E2F4: variants seen among roughly 807,000 people sequenced by gnomAD.
E2F4 encodes E2F transcription factor 4, also known as transcription factor E2F4.
Under a neutral mutation model 44.5 loss-of-function variants are expected in E2F4, and 16 were observed. That is an observed-to-expected ratio of 0.36 (90% CI 0.24 to 0.55). E2F4 has a LOEUF of 0.55. Ranked by LOEUF, E2F4 falls within the 20% of genes least tolerant of loss-of-function variation. The pLI is 0.87. For synonymous variants in E2F4, 242 were observed against 207.2 expected, an observed-to-expected ratio of 1.17 and a Z score of -1.44; for missense variants, 473 against 522.1, an observed-to-expected ratio of 0.91 and a Z score of 0.92.
At position 67,198,070 on chromosome 16, in the gene E2F4, G is replaced by A. The variant is rs1437937934; in HGVS notation, c.1189G>A (p.Asp397Asn). The part of the protein sequence containing the change: ...PGDHDYIYNL[D>N]ESEGVCDLFD... ...AGACCACGATTATATCTACAACCTG[G>A]ACGAGAGTGAAGGTGTCTGTGACCT... The change falls in exon 10 of 10, where the codon GAC becomes AAC. Residue 397 changes from aspartate (D) to asparagine (N), a missense_variant. This residue lies in a region of E2F4 where 314 missense variants were observed against 315.6 expected (regional missense o/e 0.99). Transcript: ENST00000379378. 2.5e-6 allele frequency: 4 copies of A among 1,614,052 alleles called. No homozygotes were observed. The highest frequency in any genetic ancestry group is 2.5e-6 in the Non-Finnish European group (3 of 1,179,996).
intron 6 of E2F4, 32 bp downstream of exon 6, chr16:67,195,012 C>T (rs775983343): frequency 1.3e-6 from 2 of 1,597,924 alleles, no homozygotes; most frequent in South Asian, 1.1e-5. Flanking sequence ...TGACAGAGGC[C>T]CAAGAGGTAG....
In E2F4 at chr16:67,193,476, G is replaced by T. The variant is rs1342236053; in HGVS notation, c.412G>T (p.Ala138Ser). The T allele has an allele frequency of 2.5e-6, 4 of 1,614,192 alleles. No individual in the cohort carries two copies. Among genetic ancestry groups the T allele is most frequent in the Non-Finnish European group, 2.5e-6 (3 of 1,180,028 alleles). Residue 138 changes from alanine (A) to serine (S), a missense_variant, in exon 4 of 10, where the codon GCC becomes TCC. Ala to Ser is a moderately conservative substitution (Grantham distance 99). This residue lies in a region of E2F4 where 119 missense variants were observed against 175.6 expected (regional missense o/e 0.68). Transcript: ENST00000379378. ...VTEDVQNSCL[A>S]YVTHEDICRC... ...CATTCTCCTTAACCCTCACACTTTG[G>T]CCTACGTCACTCATGAGGACATCTG...
In E2F4 at chr16:67,192,758, C is replaced by T. The variant is rs1567687420; in HGVS notation, c.136-3C>T. On this transcript the variant is annotated splice_polypyrimidine_tract_variant and splice_region_variant and intron_variant, in intron 1 of 9. Coordinates refer to ENST00000379378, the MANE Select transcript of E2F4 (RefSeq NM_001950.4). ...GCTGAGCATTCTCCATTCTCTCTGC[C>T]AGGCAGCTGACACCCTAGCTGTACG... The T allele has an allele frequency of 1.2e-6, 2 of 1,608,014 alleles. No individual in the cohort carries two copies. Among genetic ancestry groups the T allele is most frequent in the Non-Finnish European group, 1.7e-6 (2 of 1,176,836 alleles).
chr16:67,193,484 C>G lies in E2F4; in HGVS notation c.420C>G (p.Val140=). ...EDVQNSCLAY[V]THEDICRCFA... ...TTAACCCTCACACTTTGGCCTACGT[C>G]ACTCATGAGGACATCTGCAGATGCT... is the stretch of plus-strand genomic sequence containing the variant. The change falls in exon 4 of 10, where the codon GTC becomes GTG. Residue 140 remains valine (V), a synonymous_variant. Transcript: ENST00000379378. 1.2e-6 allele frequency: 2 copies of G among 1,614,218 alleles called. No homozygotes were observed. The highest frequency in any genetic ancestry group is 1.7e-6 in the Non-Finnish European group (2 of 1,180,026).
rs896854367 is a variant in E2F4, at chr16:67,192,434, G to A, written c.135+72G>A. 5.7e-6 allele frequency: 8 copies of A among 1,394,594 alleles called. No homozygotes were observed. The African/African-American group carries it at 7.3e-5, about 13-fold the overall frequency. 86.4% of individuals were successfully genotyped at this position (1,394,594 alleles called of 1,614,324 possible). A position where few individuals can be genotyped will look rare whatever the true frequency, so the allele number is the denominator to read the frequency against. On this transcript the variant is annotated intron_variant, in intron 1 of 9. Transcript: ENST00000379378. Reference sequence around the variant, plus strand: ...CTGGGCCGGTAGCGGGAACCCCGGGGGCGGCCCAGCTGGGTCCTCCGAGAG... The same window carrying A: ...CTGGGCCGGTAGCGGGAACCCCGGGAGCGGCCCAGCTGGGTCCTCCGAGAG...
Position 67,198,162 on chromosome 16 carries a change from G to C in E2F4, c.*39G>C, listed in dbSNP as rs779695042. ...GCCCTGTGTGGCTGGGACCCAGACT[G>C]TCTGACCTGGGGGTTGCCTGGGGAC... On this transcript the variant is annotated 3_prime_UTR_variant, in exon 10 of 10. Transcript: ENST00000379378. 6.3e-7 allele frequency: 1 copy of C among 1,590,650 alleles called. No individual in the cohort carries two copies. Among genetic ancestry groups the C allele is most frequent in the Non-Finnish European group, 8.6e-7 (1 of 1,161,360 alleles).
At position 67,197,590 on chromosome 16, in the gene E2F4, G is replaced by A. The variant is rs372772302; in HGVS notation, c.1034-9G>A. 1.2e-6 allele frequency: 2 copies of A among 1,614,080 alleles called. No homozygotes were observed. The highest frequency in any genetic ancestry group is 2.2e-5 in the East Asian group (1 of 44,876). On this transcript the variant is annotated splice_polypyrimidine_tract_variant and intron_variant, in intron 7 of 9. Transcript: ENST00000379378. ...TCTGTGCCCTGAGCATGGCTTTCTT[G>A]TTTTTCAGTTTTGGAACTCCCCAAA...
chr16:67,198,553 C>G lies in E2F4; in HGVS notation c.*430C>G, dbSNP rs1246767408. On this transcript the variant is annotated 3_prime_UTR_variant, in exon 10 of 10. Transcript: ENST00000379378. Reference sequence around the variant, plus strand: ...CACATGCCAGCACCACTTCTAGCTTCCTTCGCTATCCCCCACCCCCTGACC... The same window carrying G: ...CACATGCCAGCACCACTTCTAGCTTGCTTCGCTATCCCCCACCCCCTGACC... The G allele has an allele frequency of 1.5e-5, 3 of 194,726 alleles. No individual in the cohort carries two copies. The highest frequency in any genetic ancestry group is 7.0e-5 in the African/African-American group (3 of 42,614). 12.1% of individuals were successfully genotyped at this position (194,726 alleles called of 1,614,324 possible).
chr16:67,192,540 C>T, intron 1 of E2F4, 178 bp downstream of exon 1: 1 of 1,093,036 alleles, frequency 9.1e-7, no homozygotes, highest in African/African-American at 1.6e-5. Flanking sequence ...CGAGCTACAG[C>T]TATGGGCCAG....
chr16:67,197,559 T>C (rs1250971360), intron 7 of E2F4, 40 bp from the exon 8 acceptor site: 1 of 1,612,688 alleles, frequency 6.2e-7, no homozygotes, highest in Non-Finnish European at 8.5e-7. Context: ...GGGGCCAGGC[T>C]GGACCTCTGT....
intron 4 of E2F4, among the ~76,000 whole-genome samples, 174 bp downstream of exon 4, chr16:67,193,689 G>T (rs1328062316): frequency 6.6e-6 from 1 of 152,196 alleles, no homozygotes; most frequent in Non-Finnish European, 1.5e-5. Context: ...CCCTGTGGAG[G>T]TCAGCTATAC....
chr16:67,198,880 G>T lies in E2F4; in HGVS notation c.*757G>T. The T allele has an allele frequency of 2.0e-6, 1 of 487,820 alleles. No individual in the cohort carries two copies. Among genetic ancestry groups the T allele is most frequent in the Non-Finnish European group, 3.6e-6 (1 of 274,818 alleles). 30.2% of individuals were successfully genotyped at this position (487,820 alleles called of 1,614,324 possible). ...GCAGCAAAAGGAAATTGTAATATTT[G>T]TACAGTGTTCAAGTGAATAAAAACC... On this transcript the variant is annotated 3_prime_UTR_variant, in exon 10 of 10. Coordinates refer to ENST00000379378, the MANE Select transcript of E2F4 (RefSeq NM_001950.4).
rs747843182 is a variant in E2F4, at chr16:67,194,467, CTTA to C, written c.513+9_513+11del. On this transcript the variant is annotated intron_variant, in intron 5 of 9. Coordinates refer to ENST00000379378, the MANE Select transcript of E2F4 (RefSeq NM_001950.4). ...GAGGTGCCCATCCCAGAGGTGGGTG[CTTA>C]GCCCAGGCAGGCGGGGTCAGCTGAG... is the stretch of plus-strand genomic sequence containing the variant. The C allele has an allele frequency of 1.2e-6, 2 of 1,613,620 alleles. No homozygotes were observed. The highest frequency in any genetic ancestry group is 2.7e-5 in the African/African-American group (2 of 74,928).
rs745768190 is a variant in E2F4, at chr16:67,193,078, G to A, written c.315G>A (p.Glu105=). ...DKLIELKAEI[E]ELQQREQELD... is the part of the protein sequence containing the mutation. ...TGATTGAGCTCAAGGCAGAGATCGAGGAGCTGCAGCAGCGGGAGCAAGAAC... is the reference window on the plus strand; with the variant it reads ...TGATTGAGCTCAAGGCAGAGATCGAAGAGCTGCAGCAGCGGGAGCAAGAAC... The change falls in exon 3 of 10, where the codon GAG becomes GAA. Residue 105 remains glutamate, a synonymous_variant. Coordinates refer to ENST00000379378, the MANE Select transcript of E2F4 (RefSeq NM_001950.4). 3.2e-6 allele frequency: 5 copies of A among 1,570,556 alleles called. No individual in the cohort carries two copies. The highest frequency in any genetic ancestry group is 4.3e-6 in the Non-Finnish European group (5 of 1,157,334).
At chr16:67,197,280 AG>A in intron 7 of E2F4, among the ~76,000 whole-genome samples, 1 of 152,160 alleles carries the variant, frequency 6.6e-6, no homozygotes, top group Non-Finnish European at 1.5e-5. Context: ...GTGCTCAGCA[AG>A]GGTGGGACAG....
rs1373597118 is a variant in E2F4 at position 67,195,766 on chromosome 16, G to A, written c.809-16G>A. On this transcript the variant is annotated splice_polypyrimidine_tract_variant and intron_variant, in intron 6 of 9. Coordinates refer to ENST00000379378, the MANE Select transcript of E2F4 (RefSeq NM_001950.4). ...TCCTGACCTTGTATGACTGGGTTTG[G>A]GGGCTATCATTGTAGTGAGTGGCGG... is the stretch of plus-strand genomic sequence containing the variant. 1 of 1,613,848 alleles carries A rather than the reference G, an allele frequency of 6.2e-7. No homozygotes were observed. The highest frequency in any genetic ancestry group is 8.5e-7 in the Non-Finnish European group (1 of 1,179,926).
In E2F4 at chr16:67,197,591, T is replaced by G. The variant is rs1446380418; in HGVS notation, c.1034-8T>G. 1 of 1,614,062 alleles carries G rather than the reference T, an allele frequency of 6.2e-7. No individual in the cohort carries two copies. Among genetic ancestry groups the G allele is most frequent in the South Asian group, 1.1e-5 (1 of 91,062 alleles). On this transcript the variant is annotated splice_region_variant and splice_polypyrimidine_tract_variant and intron_variant, in intron 7 of 9. Transcript: ENST00000379378. Reference sequence around the variant, plus strand: ...CTGTGCCCTGAGCATGGCTTTCTTGTTTTTCAGTTTTGGAACTCCCCAAAG... The same window carrying G: ...CTGTGCCCTGAGCATGGCTTTCTTGGTTTTCAGTTTTGGAACTCCCCAAAG...
intron 4 of E2F4, 104 bp from the exon 5 acceptor site, chr16:67,194,294 T>G (rs2032932553): frequency 1.6e-5 from 20 of 1,274,818 alleles, no homozygotes; most frequent in Non-Finnish European, 2.0e-5. Context: ...ACTGTCTAGT[T>G]CCTCAGGGAC....
rs1446380418 is a variant in E2F4, at chr16:67,197,591, T to C, written c.1034-8T>C. The C allele has an allele frequency of 8.1e-6, 13 of 1,614,062 alleles. No individual in the cohort carries two copies. Among genetic ancestry groups the C allele is most frequent in the Non-Finnish European group, 1.1e-5 (13 of 1,179,992 alleles). On this transcript the variant is annotated splice_region_variant and splice_polypyrimidine_tract_variant and intron_variant, in intron 7 of 9. Transcript: ENST00000379378. ...CTGTGCCCTGAGCATGGCTTTCTTGTTTTTCAGTTTTGGAACTCCCCAAAG... is the reference window on the plus strand; with the variant it reads ...CTGTGCCCTGAGCATGGCTTTCTTGCTTTTCAGTTTTGGAACTCCCCAAAG...
Sources: allele counts gnomAD v4.1 joint callset (sites outside exome capture counted in the v4.1 genomes callset), GRCh38; gene constraint gnomAD v4.1.1; regional missense constraint gnomAD v4.1.1; transcripts MANE v1.5; gene names NCBI Gene and HGNC (gene_info 2026-07-23, HGNC 2026-07-21).